ANKS1A: variants seen among roughly 807,000 people sequenced by gnomAD.
ANKS1A encodes ankyrin repeat and sterile alpha motif domain containing 1A, also known as ankyrin repeat and SAM domain-containing protein 1A.
In ANKS1A, 55 loss-of-function variants were observed where a neutral mutation model predicts 120.3. The ratio of observed to expected loss-of-function variants is 0.46; its 90% CI spans 0.37 to 0.57. The LOEUF (loss-of-function observed/expected upper bound fraction) is 0.57, where lower values mean the gene tolerates loss of function less well. Ranked by LOEUF, ANKS1A falls within the 20% of genes least tolerant of loss-of-function variation. The probability of loss-of-function intolerance (pLI) is 0.00; values close to 1 mark genes in which losing one functional copy is unlikely to be tolerated. For missense variants in ANKS1A, 1,123 were observed against 1,480.3 expected, an observed-to-expected ratio of 0.76 and a Z score of 3.96; for synonymous variants, 590 against 604.7, an observed-to-expected ratio of 0.98 and a Z score of 0.36.
At chr6:34,959,582 T>A (rs1182925509) in intron 1 of ANKS1A, among the ~76,000 whole-genome samples, 1 of 152,242 alleles carries the variant, frequency 6.6e-6, no homozygotes, top group Non-Finnish European at 1.5e-5. Context: ...TGATCTGGAA[T>A]ATCTGAGAAG....
intron 11 of ANKS1A, among the ~76,000 whole-genome samples, chr6:35,033,588 C>A (rs1028914701): frequency 6.6e-6 from 1 of 152,338 alleles, no homozygotes; most frequent in African/African-American, 2.4e-5. Flanking sequence ...GTACTAAATT[C>A]TTCCTGAAGG....
At chr6:35,092,393 G>A (rs557367406), downstream of ANKS1A, among the ~76,000 whole-genome samples, 5 of 152,084 alleles carry the variant, frequency 3.3e-5, no homozygotes, top group Non-Finnish European at 5.9e-5. Flanking sequence ...CTCTTTTATT[G>A]GTAGAGAAAA....
At chr6:34,979,911 G>A (rs1771816098) in intron 3 of ANKS1A, among the ~76,000 whole-genome samples, 1 of 152,178 alleles carries the variant, frequency 6.6e-6, no homozygotes, top group African/African-American at 2.4e-5. Context: ...TGTTAATGTA[G>A]GTGTTGGTTC....
At position 34,982,037 on chromosome 6, in the gene ANKS1A, G is replaced by A. The variant is rs932638846; in HGVS notation, c.732+51G>A. 6.3e-6 allele frequency: 10 copies of A among 1,595,556 alleles called. No homozygotes were observed. In the African/African-American group the frequency reaches 6.7e-5, roughly 11 times the overall value. On this transcript the variant is annotated intron_variant, in intron 4 of 23. Transcript: ENST00000360359. This position sits in a 1 kb window ranked among gnomAD's most constrained non-coding sequence, Gnocchi z 4.9. Reference sequence around the variant, plus strand: ...CAATCTCAAGAGACTCAGTCATTTTGCAGAAGGCACAAGGACCATGCTGCT... The same window carrying A: ...CAATCTCAAGAGACTCAGTCATTTTACAGAAGGCACAAGGACCATGCTGCT...
chr6:35,056,393 A>C (rs1182492665), intron 12 of ANKS1A, among the ~76,000 whole-genome samples: 1 of 152,182 alleles, frequency 6.6e-6, no homozygotes, highest in Non-Finnish European at 1.5e-5. Context: ...GGTTCACACC[A>C]TTCTCTTGCC....
intron 18 of ANKS1A, 99 bp from the exon 19 acceptor site, chr6:35,083,056 G>A: frequency 6.9e-7 from 1 of 1,449,358 alleles, no homozygotes; most frequent in Non-Finnish European, 9.5e-7. Context: ...GTTATTGAGA[G>A]GGGTAACTAC....
rs545649113 is a variant in ANKS1A at position 34,889,684 on chromosome 6, C to G, written c.197+85C>G. 23 of 1,195,512 alleles carry G rather than the reference C, an allele frequency of 1.9e-5. No individual in the cohort carries two copies. In the African/African-American group the frequency reaches 2.7e-4, roughly 14 times the overall value. 74.1% of individuals were successfully genotyped at this position (1,195,512 alleles called of 1,614,324 possible). Reference sequence around the variant, plus strand: ...TGGGTCCCCAGAGAGATCGGGGGTCCTGAGACTCGGGCGGGGTGGGCTTGT... The same window carrying G: ...TGGGTCCCCAGAGAGATCGGGGGTCGTGAGACTCGGGCGGGGTGGGCTTGT... On this transcript the variant is annotated intron_variant, in intron 1 of 23. Transcript: ENST00000360359. The surrounding 1 kb of genome is among the most constrained non-coding windows in gnomAD (Gnocchi z 5.5).
intron 1 of ANKS1A, among the ~76,000 whole-genome samples, chr6:34,949,381 G>A (rs1561865656): frequency 6.6e-6 from 1 of 152,170 alleles, no homozygotes; most frequent in Non-Finnish European, 1.5e-5. Flanking sequence ...AGGCTAAGAA[G>A]TTTTTCCCAT....
chr6:35,090,612 A>G lies in ANKS1A; in HGVS notation c.*2003A>G, dbSNP rs1340913530. On this transcript the variant is annotated 3_prime_UTR_variant, in exon 24 of 24. Transcript: ENST00000360359. ...TTGGTTTATTTCTGAATATTCAAGAAAGGAAAATGACTGGGCCTTTCTTTC... is the reference window on the plus strand; with the variant it reads ...TTGGTTTATTTCTGAATATTCAAGAGAGGAAAATGACTGGGCCTTTCTTTC... The G allele has an allele frequency of 6.1e-6, 6 of 991,518 alleles. No homozygotes were observed. The highest frequency in any genetic ancestry group is 7.2e-6 in the Non-Finnish European group (6 of 833,738). The allele number at this position is 991,518 out of a possible 1,614,324, so 61.4% of individuals were successfully genotyped here.
chr6:35,044,728 G>T lies in ANKS1A; in HGVS notation c.2011-9371G>T, dbSNP rs1775634304. Among the ~76,000 whole-genome samples, 1 of 152,198 alleles carries T rather than the reference G, an allele frequency of 6.6e-6. No individual in the cohort carries two copies. Among genetic ancestry groups the T allele is most frequent in the African/African-American group, 2.4e-5 (1 of 41,428 alleles). On this transcript the variant is annotated intron_variant, in intron 11 of 23. Coordinates refer to ENST00000360359, the MANE Select transcript of ANKS1A (RefSeq NM_015245.3). This position sits in a 1 kb window ranked among gnomAD's most constrained non-coding sequence, Gnocchi z 4.4. ...GCCAAAAGGAAGCCCTTTCCCTCTGGTGTATCTTTTAAAACAAAACAACAA... is the reference window on the plus strand; with the variant it reads ...GCCAAAAGGAAGCCCTTTCCCTCTGTTGTATCTTTTAAAACAAAACAACAA...
At chr6:35,065,231 ACTGC>A (rs1561950567) in intron 13 of ANKS1A, among the ~76,000 whole-genome samples, 1 of 117,310 alleles carries the variant, frequency 8.5e-6, no homozygotes, top group South Asian at 3.3e-4. Context: ...TCACTGCCTG[ACTGC>A]AGCGCAGGCA....
Position 35,076,625 on chromosome 6 carries a change from T to G in ANKS1A, c.2185-1933T>G, listed in dbSNP as rs555282249. Among the ~76,000 whole-genome samples, 140 of 152,194 alleles carry G rather than the reference T, an allele frequency of 9.2e-4. 4 individuals carry two copies. The highest frequency in any genetic ancestry group is 9.2e-4 in the Admixed American group (14 of 15,288). ...AATAACAACAGTCCCAATTTTGTTTTGTTTGGTTTTGTTTTGTTTTTGAGG... is the reference window on the plus strand; with the variant it reads ...AATAACAACAGTCCCAATTTTGTTTGGTTTGGTTTTGTTTTGTTTTTGAGG... On this transcript the variant is annotated intron_variant, in intron 13 of 23. Transcript: ENST00000360359.
chr6:35,088,495 G>T (rs529738509), intron 23 of ANKS1A, 111 bp from the exon 24 acceptor site: 1 of 1,407,702 alleles, frequency 7.1e-7, no homozygotes, highest in Non-Finnish European at 1.0e-6. Context: ...GTGCCCCGGG[G>T]AGGCTGTGAG....
intron 10 of ANKS1A, among the ~76,000 whole-genome samples, chr6:34,996,972 TGTTA>T (rs1157280970): frequency 6.6e-6 from 1 of 152,200 alleles, no homozygotes; most frequent in African/African-American, 2.4e-5. Context: ...TTTGCAACTT[TGTTA>T]CTTTTTTCAG....
In ANKS1A at chr6:35,008,727, TATGTAAA is replaced by T. The variant is rs547336586; in HGVS notation, c.1424-8745_1424-8739del. Among the ~76,000 whole-genome samples, 630 of 122,836 alleles carry T rather than the reference TATGTAAA, an allele frequency of 5.1e-3. 4 individuals carry two copies. The highest frequency in any genetic ancestry group is 0.014 in the Admixed American group (179 of 12,932). The allele number at this position is 122,836 out of a possible 152,430, so 80.6% of individuals were successfully genotyped here. A position where few individuals can be genotyped will look rare whatever the true frequency, so the allele number is the denominator to read the frequency against. ...ATTATGCATTTATATATATGAGACA[TATGTAAA>T]GTAACTGAAAGATGACAGAATATGT... is the stretch of plus-strand genomic sequence containing the variant. On this transcript the variant is annotated intron_variant, in intron 10 of 23. Transcript: ENST00000360359.
chr6:35,010,323 GAAGTA>G (rs1773694568), intron 10 of ANKS1A, among the ~76,000 whole-genome samples: 1 of 152,162 alleles, frequency 6.6e-6, no homozygotes, highest in South Asian at 2.1e-4. Context: ...GAACAAGATA[GAAGTA>G]AAGAGTGCTG....
intron 13 of ANKS1A, among the ~76,000 whole-genome samples, chr6:35,076,706 G>A (rs1252911013): frequency 6.6e-6 from 1 of 152,134 alleles, no homozygotes; most frequent in Non-Finnish European, 1.5e-5. Context: ...TCGGCTCACT[G>A]TAACCTCTGC....
intron 2 of ANKS1A, among the ~76,000 whole-genome samples, chr6:34,967,696 T>TA (rs1232535438): frequency 6.6e-6 from 1 of 151,890 alleles, no homozygotes; most frequent in East Asian, 1.9e-4. Flanking sequence ...ACCCTATCTC[T>TA]AAAAAACAAA....
chr6:35,022,247 C>A (rs745700304), intron 11 of ANKS1A, among the ~76,000 whole-genome samples: 6 of 152,178 alleles, frequency 3.9e-5, no homozygotes, highest in African/African-American at 9.7e-5. Flanking sequence ...AAATCTACAG[C>A]CTTCTCTACA....
Sources: gnomAD v4.1 joint callset for allele counts (sites outside exome capture counted in the v4.1 genomes callset) on GRCh38, gnomAD v4.1.1 for gene constraint, Gnocchi (gnomAD v3.1) non-coding constraint, MANE v1.5 for transcripts, NCBI Gene and HGNC (gene_info 2026-07-23, HGNC 2026-07-21) for gene names.